XRCC3: variants seen among roughly 807,000 people sequenced by gnomAD.
XRCC3 encodes DNA repair protein XRCC3.
XRCC3 carries 34 observed loss-of-function variants against 29.2 expected under a neutral mutation model. The ratio of observed to expected loss-of-function variants is 1.16; its 90% confidence interval spans 0.88 to 1.55. The LOEUF (loss-of-function observed/expected upper bound fraction) is 1.55, where lower values mean the gene tolerates loss of function less well. Among genes scored for constraint, XRCC3 ranks in the 40% most tolerant of loss-of-function variants. XRCC3 has a pLI of 0.00. For missense variants in XRCC3, 463 were observed against 467.6 expected, an observed-to-expected ratio of 0.99 and a Z score of 0.09; for synonymous variants, 223 against 211.3, an observed-to-expected ratio of 1.06 and a Z score of -0.48.
rs3212115 is a variant in XRCC3 at position 103,699,251 on chromosome 14, C to G, written c.775-72G>C. The G allele has an allele frequency of 3.6e-4, 550 of 1,539,758 alleles. 9 individuals carry two copies. The South Asian group carries it at 6.3e-3, about 18-fold the overall frequency. On this transcript the variant is annotated intron_variant, in intron 8 of 9. Coordinates refer to ENST00000555055, the MANE Select transcript of XRCC3 (RefSeq NM_005432.4). ...CGATGGTTAGGCACAGGCTGCTACC[C>G]GCAGGAGCCGGAGGCCACCTCACTG... is the stretch of plus-strand genomic sequence containing the variant.
chr14:103,698,954 T>C lies in XRCC3; in HGVS notation c.885A>G (p.Arg295=). 3 of 1,600,994 alleles carry C rather than the reference T, an allele frequency of 1.9e-6. No homozygotes were observed. The highest frequency in any genetic ancestry group is 2.6e-6 in the Non-Finnish European group (3 of 1,174,004). ...GITWANQLLV[R]LLADRLREEE... ...CCTCGCGGAGCCGGTCAGCCAGCAGTCTCACCAGGAGCTGGTTAGCCCAGG... is the reference window on the plus strand; with the variant it reads ...CCTCGCGGAGCCGGTCAGCCAGCAGCCTCACCAGGAGCTGGTTAGCCCAGG... Residue 295 remains arginine, a synonymous_variant, in exon 10 of 10, where the codon AGA becomes AGG. Transcript: ENST00000555055.
intron 7 of XRCC3, chr14:103,702,723 C>T (rs2083274381): frequency 1.0e-5 from 2 of 196,858 alleles, no homozygotes; most frequent in African/African-American, 2.3e-5. Flanking sequence ...CCACTCCTGG[C>T]CAGGATTCTG....
At position 103,708,542 on chromosome 14, in the gene XRCC3, C is replaced by T. The variant is rs139963722; in HGVS notation, c.173G>A (p.Arg58Gln). 185 of 1,614,056 alleles carry T rather than the reference C, an allele frequency of 1.1e-4. No individual in the cohort carries two copies. The African/African-American group carries it at 1.3e-3, about 12-fold the overall frequency. The change falls in exon 5 of 10, where the codon CGG (arginine) becomes CAG (glutamine). Residue 58 changes from arginine to glutamine, a missense_variant. By Grantham distance (43) the Arg-to-Gln change is conservative. Coordinates refer to ENST00000555055, the MANE Select transcript of XRCC3 (RefSeq NM_005432.4). ...HLLRTASLHLRGSSILTALQL... is the reference protein window; with the variant it reads ...HLLRTASLHLQGSSILTALQL... Reference sequence around the variant, plus strand: ...CCTACCTGTAAGGATGCTGCTTCCCCGCAAGTGTAAGGAGGCCGTTCTCAG... The same window carrying T: ...CCTACCTGTAAGGATGCTGCTTCCCTGCAAGTGTAAGGAGGCCGTTCTCAG...
At chr14:103,705,052 C>G (rs749468166) in intron 6 of XRCC3, 2 of 152,208 alleles carry the variant, frequency 1.3e-5, no homozygotes, top group Non-Finnish European at 2.9e-5. Context: ...GAATTTCAAA[C>G]GTAAAGAAGA....
At chr14:103,710,762 A>G (rs1386619997) in intron 4 of XRCC3, 10 of 451,202 alleles carry the variant, frequency 2.2e-5, no homozygotes, top group Middle Eastern at 6.0e-4. Context: ...AAACTAAAAG[A>G]CTTTATGTGG....
chr14:103,708,349 C>CACA (rs2083511100), intron 5 of XRCC3, 173 bp downstream of exon 5: 1 of 980,992 alleles, frequency 1.0e-6, no homozygotes, highest in African/African-American at 1.6e-5. Flanking sequence ...ATGCTGTGAC[C>CACA]ACAGCCCCAT....
rs1490090083 is a variant in XRCC3, at chr14:103,710,875, C to CACAT, written c.55+157_55+158insATGT. 5.7e-6 allele frequency: 4 copies of CACAT among 696,852 alleles called. No individual in the cohort carries two copies. In the African/African-American group the frequency reaches 7.1e-5, roughly 12 times the overall value. The allele number at this position is 696,852 out of a possible 1,614,324, so 43.2% of individuals were successfully genotyped here. On this transcript the variant is annotated intron_variant, in intron 4 of 9. Coordinates refer to ENST00000555055, the MANE Select transcript of XRCC3 (RefSeq NM_005432.4). ...AAGAACACACACACACACACACACA[C>CACAT]ACACACACCTGAAAATCCCATAGTA...
chr14:103,699,253 C>T, intron 8 of XRCC3, 74 bp from the exon 9 acceptor site: 1 of 1,540,066 alleles, frequency 6.5e-7, no homozygotes. Context: ...CTGCTACCCG[C>T]AGGAGCCGGA....
intron 3 of XRCC3, 88 bp downstream of exon 3, chr14:103,711,378 C>T: frequency 1.6e-6 from 1 of 620,642 alleles, no homozygotes; most frequent in Non-Finnish European, 3.0e-6. Context: ...TTTGAAAAAC[C>T]CCCCAAACCC....
chr14:103,699,772 C>T (rs1160009465), intron 7 of XRCC3, 196 bp from the exon 8 acceptor site: 2 of 627,316 alleles, frequency 3.2e-6, no homozygotes, highest in Non-Finnish European at 2.9e-6. Flanking sequence ...ATAGAAGCTT[C>T]AGGCTCACAC....
At chr14:103,711,279 G>A (rs61995795) in intron 3 of XRCC3, 34 bp from the exon 4 acceptor site, 25 of 689,846 alleles carry the variant, frequency 3.6e-5, no homozygotes, top group Non-Finnish European at 6.1e-5. Context: ...GTAGAGGGAA[G>A]GCTGTCTAGC....
At chr14:103,706,905 G>GC in intron 6 of XRCC3, 98 bp downstream of exon 6, 1 of 1,313,036 alleles carries the variant, frequency 7.6e-7, no homozygotes, top group Non-Finnish European at 1.1e-6. Context: ...TAGGAACAGC[G>GC]CAAGAGGCGG....
intron 6 of XRCC3, chr14:103,706,744 G>A: frequency 1.8e-6 from 1 of 546,548 alleles, no homozygotes; most frequent in Non-Finnish European, 3.3e-6. Flanking sequence ...AGCGACCCCT[G>A]GGGGCCTAGC....
intron 4 of XRCC3, chr14:103,709,960 A>G (rs2083566970): frequency 6.6e-6 from 1 of 152,304 alleles, no homozygotes; most frequent in Admixed American, 6.5e-5. Flanking sequence ...CCCTGTCACC[A>G]GGCTGCTGCG....
chr14:103,700,625 G>C, intron 7 of XRCC3: 1 of 1,590,996 alleles, frequency 6.3e-7, no homozygotes, highest in Non-Finnish European at 8.6e-7. Context: ...TGCACGCCCT[G>C]AGTGAAACTC....
intron 7 of XRCC3, chr14:103,701,433 C>T (rs931382528): frequency 2.2e-6 from 1 of 458,862 alleles, no homozygotes; most frequent in African/African-American, 2.0e-5. Flanking sequence ...TCCCAGGAGA[C>T]CTGGGGCATG....
chr14:103,710,822 AAAGT>A (rs2083599720), intron 4 of XRCC3: 4 of 586,178 alleles, frequency 6.8e-6, no homozygotes, highest in East Asian at 2.9e-5. Flanking sequence ...GATAAAAATA[AAAGT>A]AACTGAAAGA....
At position 103,711,309 on chromosome 14, in the gene XRCC3, C is replaced by T. The variant is rs56314050; in HGVS notation, c.-158-64G>A. 849 of 680,562 alleles carry T rather than the reference C, an allele frequency of 1.2e-3. 6 individuals carry two copies. The African/African-American group carries it at 0.013, about 10-fold the overall frequency. The allele number at this position is 680,562 out of a possible 1,614,324, so 42.2% of individuals were successfully genotyped here. A position where few individuals can be genotyped will look rare whatever the true frequency, so the allele number is the denominator to read the frequency against. ...TCTAGCTACATCTAGGGCAACATGT[C>T]TGTCATTTACCTCTAAGAATTATTT... On this transcript the variant is annotated intron_variant, in intron 3 of 9. Transcript: ENST00000555055.
Position 103,698,431 on chromosome 14 carries a change from A to G in XRCC3, c.*367T>C. 7 of 333,860 alleles carry G rather than the reference A, an allele frequency of 2.1e-5. No individual in the cohort carries two copies. Among genetic ancestry groups the G allele is most frequent in the South Asian group, 1.8e-4 (7 of 38,564 alleles). 20.7% of individuals were successfully genotyped at this position (333,860 alleles called of 1,614,324 possible). On this transcript the variant is annotated 3_prime_UTR_variant, in exon 10 of 10. Coordinates refer to ENST00000555055, the MANE Select transcript of XRCC3 (RefSeq NM_005432.4). ...CCCCAGCCCAGGGGGCAGGCCTCAG[A>G]CGCAACCCCAGTTGGGCTTCCATGT...
Sources: gnomAD v4.1 joint callset for allele counts on GRCh38, gnomAD v4.1.1 for gene constraint, MANE v1.5 for transcripts, NCBI Gene and HGNC (gene_info 2026-07-23, HGNC 2026-07-21) for gene names.